Variants in GTF2I observed in about 807,000 individuals in gnomAD.
GTF2I encodes the protein general transcription factor IIi.
GTF2I carries 12 observed loss-of-function variants against 67.6 expected under a neutral mutation model. The observed-to-expected ratio is 0.18, with a 90% CI of 0.11 to 0.29. GTF2I has a LOEUF of 0.29. Among genes scored for constraint, GTF2I ranks in the 10% least tolerant of loss-of-function variants. The pLI is 1.00. For synonymous variants in GTF2I, 149 were observed against 197.0 expected, an observed-to-expected ratio of 0.76 and a Z score of 2.04; for missense variants, 271 against 580.1, an observed-to-expected ratio of 0.47 and a Z score of 5.47.
At chr7:74,686,416 T>C (rs1404595075) in intron 1 of GTF2I, among the ~76,000 whole-genome samples, 1 of 152,082 alleles carries the variant, frequency 6.6e-6, no homozygotes, top group Non-Finnish European at 1.5e-5. Flanking sequence ...AGGCAGAAAA[T>C]TGCCCTAGTT....
chr7:74,692,350 G>A (rs1266986408), intron 3 of GTF2I, among the ~76,000 whole-genome samples: 2 of 152,134 alleles, frequency 1.3e-5, no homozygotes, highest in Non-Finnish European at 2.9e-5. Context: ...GATTACAGGC[G>A]TGAGCCACCA....
At chr7:74,705,292 T>C (rs1346319492) in intron 7 of GTF2I, 74 bp downstream of exon 7, 5 of 882,564 alleles carry the variant, frequency 5.7e-6, no homozygotes, top group Non-Finnish European at 7.6e-6. Context: ...AATTGAGATA[T>C]CAGAATATTA....
intron 1 of GTF2I, among the ~76,000 whole-genome samples, chr7:74,659,579 G>C (rs782230632): frequency 7.2e-5 from 11 of 151,828 alleles, no homozygotes; most frequent in Non-Finnish European, 1.5e-4. Flanking sequence ...AGTAGAGATG[G>C]CGTTTCACCA....
At chr7:74,700,054 G>T in intron 4 of GTF2I, 193 bp from the exon 5 acceptor site, 5 of 539,296 alleles carry the variant, frequency 9.3e-6, no homozygotes, top group East Asian at 3.1e-5. Context: ...TTTTCATTTT[G>T]GCCCTTCGGA....
chr7:74,683,295 A>G (rs1046470421), intron 1 of GTF2I, among the ~76,000 whole-genome samples: 2 of 152,254 alleles, frequency 1.3e-5, no homozygotes, highest in Non-Finnish European at 2.9e-5. Context: ...GAGACCGTAG[A>G]TTACTTCTCA....
At chr7:74,683,000 C>T (rs1243606239) in intron 1 of GTF2I, among the ~76,000 whole-genome samples, 2 of 130,584 alleles carry the variant, frequency 1.5e-5, no homozygotes, top group African/African-American at 5.9e-5. Flanking sequence ...GAGAAGAAAA[C>T]GTAAAAAAAG....
intron 8 of GTF2I, among the ~76,000 whole-genome samples, chr7:74,706,762 G>A (rs373961326): frequency 5.9e-5 from 9 of 152,072 alleles, no homozygotes; most frequent in African/African-American, 1.7e-4. Context: ...TGCCCCCTTC[G>A]TCTCCACCTT....
intron 6 of GTF2I, among the ~76,000 whole-genome samples, chr7:74,701,211 C>T (rs1265036230): frequency 6.6e-6 from 1 of 152,122 alleles, no homozygotes; most frequent in African/African-American, 2.4e-5. Context: ...GAAGTCTAGC[C>T]ATTTCATTTG....
chr7:74,747,823 G>T (rs1795526234), intron 23 of GTF2I, among the ~76,000 whole-genome samples, 192 bp from the exon 24 acceptor site: 1 of 130,870 alleles, frequency 7.6e-6, no homozygotes. Flanking sequence ...AGAAGAAGAA[G>T]AAGAGAAGAA....
intron 15 of GTF2I, 40 bp downstream of exon 15, chr7:74,732,702 C>T (rs1259681689): frequency 1.6e-5 from 25 of 1,531,186 alleles, no homozygotes; most frequent in Non-Finnish European, 2.1e-5. Context: ...TGTCTCTTTT[C>T]TGAGTAATAC....
In GTF2I at chr7:74,711,061, G is replaced by A; in HGVS notation, c.715G>A (p.Val239Ile). 2 of 1,541,642 alleles carry A rather than the reference G, an allele frequency of 1.3e-6. No individual in the cohort carries two copies. The highest frequency in any genetic ancestry group is 1.8e-6 in the Non-Finnish European group (2 of 1,132,168). The change falls in exon 9 of 35, where the codon GTA (valine) becomes ATA (isoleucine). Residue 239 changes from valine to isoleucine, a missense_variant. Val to Ile is a conservative substitution (Grantham distance 29). Transcript: ENST00000573035. ...TTCCCTGGAAATGGCAGCTGTGACAGTAAAGGAAGAATCAGAAGATCCTGA... is the reference window on the plus strand; with the variant it reads ...TTCCCTGGAAATGGCAGCTGTGACAATAAAGGAAGAATCAGAAGATCCTGA... ...GISLEMAAVT[V>I]KEESEDPDYY... is the part of the protein sequence containing the mutation.
intron 3 of GTF2I, among the ~76,000 whole-genome samples, chr7:74,693,406 C>G (rs1341706848): frequency 6.7e-6 from 1 of 149,116 alleles, no homozygotes; most frequent in East Asian, 2.0e-4. Context: ...TTTGATGTTA[C>G]TATTGTAATT....
intron 6 of GTF2I, 21 bp from the exon 7 acceptor site, chr7:74,705,143 A>ATTTT: frequency 5.6e-6 from 7 of 1,243,456 alleles, no homozygotes; most frequent in Admixed American, 2.0e-5. Flanking sequence ...ACTAACTCCA[A>ATTTT]TTTTTTTTTT....
intron 1 of GTF2I, among the ~76,000 whole-genome samples, chr7:74,658,362 C>T (rs1804118067): frequency 6.8e-6 from 1 of 146,956 alleles, no homozygotes; most frequent in African/African-American, 2.5e-5. Context: ...GTGGCACGCG[C>T]GCGCCTCAGT....
chr7:74,710,980 A>G (rs1210172409), intron 8 of GTF2I, 52 bp from the exon 9 acceptor site: 8 of 858,370 alleles, frequency 9.3e-6, no homozygotes, highest in Non-Finnish European at 1.5e-5. Flanking sequence ...TCCCTACACA[A>G]TCTAGCTGAA....
Position 74,689,218 on chromosome 7 carries a change from C to T in GTF2I, c.90C>T (p.Leu30=), listed in dbSNP as rs377650658. The change falls in exon 2 of 35, where the codon CTC becomes CTT. Residue 30 remains leucine (L), a synonymous_variant. Transcript: ENST00000573035. The part of the protein sequence containing the change: ...RMVVTFLMSA[L]ESMCKELAKS... ...TGGTGACATTCCTCATGTCAGCTCT[C>T]GAGTCCATGGTGAGGCCTTCTGTTC... 1.9e-5 allele frequency: 30 copies of T among 1,591,306 alleles called. No individual in the cohort carries two copies. The highest frequency in any genetic ancestry group is 1.3e-4 in the African/African-American group (10 of 74,496).
rs1450732039 is a variant in GTF2I at position 74,690,389 on chromosome 7, AT to A, written c.100-581del. Among the ~76,000 whole-genome samples the A allele has an allele frequency of 4.6e-5, 7 of 152,320 alleles. No homozygotes were observed. In the South Asian group the frequency reaches 6.2e-4, roughly 14 times the overall value. On this transcript the variant is annotated intron_variant, in intron 2 of 34. Transcript: ENST00000573035. ...ATACTCTGTAACATTTTAAAAGAATATTTAATCTCGTAGAAATATGCTTAGT... is the reference window on the plus strand; with the variant it reads ...ATACTCTGTAACATTTTAAAAGAATATTAATCTCGTAGAAATATGCTTAGT...
intron 8 of GTF2I, among the ~76,000 whole-genome samples, chr7:74,710,556 G>A (rs1791412479): frequency 6.6e-6 from 1 of 152,188 alleles, no homozygotes; most frequent in Admixed American, 6.5e-5. Context: ...GCAGAAAGGT[G>A]TGCTTTGTAC....
intron 11 of GTF2I, among the ~76,000 whole-genome samples, chr7:74,718,076 G>A (rs1403525169): frequency 6.6e-6 from 1 of 152,232 alleles, no homozygotes; most frequent in Non-Finnish European, 1.5e-5. Flanking sequence ...TCATTGGGCA[G>A]TACCGATGGC....
Sources: gnomAD v4.1 joint callset for allele counts (sites outside exome capture counted in the v4.1 genomes callset) on GRCh38, gnomAD v4.1.1 for gene constraint, MANE v1.5 for transcripts, NCBI Gene and HGNC (gene_info 2026-07-23, HGNC 2026-07-21) for gene names.